UNC5C: variants seen among roughly 807,000 people sequenced by gnomAD.
UNC5C encodes unc-5 netrin receptor C, also known as netrin receptor UNC5C.
A neutral mutation model predicts 99.8 loss-of-function variants in UNC5C; 47 were observed. The ratio of observed to expected loss-of-function variants is 0.47; its 90% CI spans 0.37 to 0.60. The LOEUF (loss-of-function observed/expected upper bound fraction) is 0.60. UNC5C is among the 20% of genes least tolerant of loss of function. The pLI is 0.00. For missense variants in UNC5C, 1,062 were observed against 1,165.9 expected (o/e 0.91, Z 1.30); for synonymous variants, 487 against 452.2 (o/e 1.08, Z -0.98).
rs905665984 is a variant in UNC5C, at chr4:95,271,232, A to T, written c.594+7027T>A. The stretch of plus-strand genomic sequence containing the variant: ...CACAGCTGAGGTTTATTTTTTATTT[A>T]TTTTTTTTTTTTTGAGACGGAGTCT... On this transcript the variant is annotated intron_variant, in intron 4 of 15. Coordinates refer to ENST00000453304, the MANE Select transcript of UNC5C (RefSeq NM_003728.4). 7.3e-4 allele frequency among the ~76,000 whole-genome samples: 82 copies of T among 112,344 alleles called. No homozygotes were observed. In the South Asian group the frequency reaches 9.0e-3, roughly 12 times the overall value. 73.7% of individuals were successfully genotyped at this position (112,344 alleles called of 152,430 possible). A position where few individuals can be genotyped will look rare whatever the true frequency, so the allele number is the denominator to read the frequency against.
At chr4:95,425,353 G>A (rs771733338) in intron 1 of UNC5C, among the ~76,000 whole-genome samples, 5 of 152,174 alleles carry the variant, frequency 3.3e-5, no homozygotes, top group African/African-American at 4.8e-5. Context: ...ACGGAGTCTC[G>A]CTTTGTCACC....
rs1163442193 is a variant in UNC5C at position 95,278,306 on chromosome 4, C to T, written c.547G>A (p.Glu183Lys). The change falls in exon 4 of 16, where the codon GAA becomes AAA. Residue 183 changes from glutamate (E) to lysine (K), a missense_variant. Transcript: ENST00000453304. ...GGTGGTCGACACTGGAGTAAGACTT[C>T]CTGTTCCAAAGACACTTCCTTTCCT... is the stretch of plus-strand genomic sequence containing the variant. ...PLGKEVSLEQEVLLQCRPPEG... is the reference protein window; with the variant it reads ...PLGKEVSLEQKVLLQCRPPEG... 1 of 1,614,130 alleles carries T rather than the reference C, an allele frequency of 6.2e-7. No homozygotes were observed. The highest frequency in any genetic ancestry group is 2.2e-5 in the East Asian group (1 of 44,878).
chr4:95,412,772 T>A (rs1395492972), intron 1 of UNC5C, among the ~76,000 whole-genome samples: 1 of 152,144 alleles, frequency 6.6e-6, no homozygotes, highest in African/African-American at 2.4e-5. Context: ...GACCCTGAAG[T>A]AGTTTTTGGG....
At chr4:95,179,526 G>A (rs1368275040) in intron 14 of UNC5C, among the ~76,000 whole-genome samples, 1 of 152,036 alleles carries the variant, frequency 6.6e-6, no homozygotes, top group East Asian at 1.9e-4. Flanking sequence ...GTGGGTGGAT[G>A]ACCTGAGCTC....
intron 5 of UNC5C, among the ~76,000 whole-genome samples, chr4:95,247,425 T>G (rs775167924): frequency 6.6e-6 from 1 of 152,158 alleles, no homozygotes; most frequent in Non-Finnish European, 1.5e-5. Flanking sequence ...TGCCATGGAA[T>G]TGTCTGTATA....
rs1735873057 is a variant in UNC5C at position 95,166,796 on chromosome 4, T to C, written c.*2438A>G. ...AATAGCTCTCTTTCCTCCTCCTCCT[T>C]TTAAAAAATGTGTGTGTATAACTGC... On this transcript the variant is annotated 3_prime_UTR_variant, in exon 16 of 16. Transcript: ENST00000453304. 2 of 152,134 alleles carry C rather than the reference T, an allele frequency of 1.3e-5. No individual in the cohort carries two copies. The highest frequency in any genetic ancestry group is 6.6e-5 in the Admixed American group (1 of 15,266). The allele number at this position is 152,134 out of a possible 1,614,324, so 9.4% of individuals were successfully genotyped here. A position where few individuals can be genotyped will look rare whatever the true frequency, so the allele number is the denominator to read the frequency against.
At position 95,485,093 on chromosome 4, in the gene UNC5C, T is replaced by G. The variant is rs563353995; in HGVS notation, c.124+63641A>C. Among the ~76,000 whole-genome samples the G allele has an allele frequency of 2.6e-5, 4 of 151,962 alleles. No homozygotes were observed. The East Asian group carries it at 7.8e-4, about 30-fold the overall frequency. On this transcript the variant is annotated intron_variant, in intron 1 of 15. Coordinates refer to ENST00000453304, the MANE Select transcript of UNC5C (RefSeq NM_003728.4). ...AATATCTGCCATTTATATTCTGCCT[T>G]TCTTTCTTTAGTAATGTAATATCTT...
At chr4:95,381,765 A>T (rs1235362082) in intron 1 of UNC5C, among the ~76,000 whole-genome samples, 4 of 152,002 alleles carry the variant, frequency 2.6e-5, no homozygotes, top group Admixed American at 6.6e-5. Context: ...TGCTTAGATT[A>T]AAAAAAACCT....
chr4:95,488,331 G>A (rs990631472), intron 1 of UNC5C, among the ~76,000 whole-genome samples: 5 of 151,690 alleles, frequency 3.3e-5, no homozygotes, highest in African/African-American at 1.2e-4. Context: ...GGATTTGCAT[G>A]AATTTACTTG....
intron 1 of UNC5C, among the ~76,000 whole-genome samples, chr4:95,408,960 A>G (rs1745902799): frequency 6.6e-6 from 1 of 152,342 alleles, no homozygotes; most frequent in Non-Finnish European, 1.5e-5. Flanking sequence ...AGACTGAGAT[A>G]GCCAATGCTA....
chr4:95,211,966 C>T (rs749415359), intron 10 of UNC5C, among the ~76,000 whole-genome samples: 3 of 152,122 alleles, frequency 2.0e-5, no homozygotes, highest in Non-Finnish European at 2.9e-5. Flanking sequence ...GAACTTGAGG[C>T]TCATGAATGA....
intron 12 of UNC5C, among the ~76,000 whole-genome samples, chr4:95,194,627 A>G (rs1173433838): frequency 6.6e-6 from 1 of 152,104 alleles, no homozygotes; most frequent in Non-Finnish European, 1.5e-5. Context: ...TTCTGCAGTC[A>G]TATCCCTTTC....
At position 95,437,895 on chromosome 4, in the gene UNC5C, C is replaced by T. The variant is rs76059322; in HGVS notation, c.125-102264G>A. ...GATCTTTATCAGAGCCCAGGACTTCCGTGTGATTAATTAGCTGTGGTTTAT... is the reference window on the plus strand; with the variant it reads ...GATCTTTATCAGAGCCCAGGACTTCTGTGTGATTAATTAGCTGTGGTTTAT... On this transcript the variant is annotated intron_variant, in intron 1 of 15. Transcript: ENST00000453304. Among the ~76,000 whole-genome samples the T allele has an allele frequency of 0.013, 1,904 of 152,102 alleles. 136 individuals carry two copies. The East Asian group carries it at 0.2, about 16-fold the overall frequency.
intron 1 of UNC5C, among the ~76,000 whole-genome samples, chr4:95,389,393 T>C (rs1053319653): frequency 1.3e-5 from 2 of 152,128 alleles, no homozygotes; most frequent in Admixed American, 1.3e-4. Flanking sequence ...CACTAGTCAA[T>C]AAAATAAAAT....
At chr4:95,526,782 G>A (rs1315882063) in intron 1 of UNC5C, among the ~76,000 whole-genome samples, 1 of 148,476 alleles carries the variant, frequency 6.7e-6, no homozygotes, top group Non-Finnish European at 1.5e-5. Flanking sequence ...ATTTTGTTCT[G>A]TATTTCTATG....
At chr4:95,422,160 G>A (rs139336597) in intron 1 of UNC5C, among the ~76,000 whole-genome samples, 3 of 152,302 alleles carry the variant, frequency 2.0e-5, no homozygotes, top group Non-Finnish European at 2.9e-5. Flanking sequence ...AACGTTACTC[G>A]TTTAGGTAGG....
At chr4:95,445,049 G>A (rs1747058257) in intron 1 of UNC5C, among the ~76,000 whole-genome samples, 1 of 152,010 alleles carries the variant, frequency 6.6e-6, no homozygotes, top group African/African-American at 2.4e-5. Context: ...GAAGGAGAGC[G>A]CGAATCCAAT....
At chr4:95,537,256 C>T (rs150271726) in intron 1 of UNC5C, among the ~76,000 whole-genome samples, 243 of 152,120 alleles carry the variant, frequency 1.6e-3, no homozygotes, top group African/African-American at 5.5e-3. Flanking sequence ...TTCAAGTGAC[C>T]GTTGTGAAAA....
intron 5 of UNC5C, chr4:95,248,275 T>C (rs1321543708): frequency 3.9e-6 from 1 of 255,724 alleles, no homozygotes; most frequent in East Asian, 1.3e-4. Context: ...GAGAAAAACA[T>C]GTAAATTTAC....
Sources: gnomAD v4.1 joint callset for allele counts (sites outside exome capture counted in the v4.1 genomes callset) on GRCh38, gnomAD v4.1.1 for gene constraint, MANE v1.5 for transcripts, NCBI Gene and HGNC (gene_info 2026-07-23, HGNC 2026-07-21) for gene names.